CDC42BPA: variants seen among roughly 807,000 people sequenced by gnomAD.
CDC42BPA encodes CDC42 binding protein kinase alpha.
A neutral mutation model predicts 223.5 loss-of-function variants in CDC42BPA; 80 were observed. The ratio of observed to expected loss-of-function variants is 0.36; its 90% confidence interval spans 0.30 to 0.43. CDC42BPA has a LOEUF of 0.43. Ranked by LOEUF, CDC42BPA falls within the 20% of genes least tolerant of loss-of-function variation. The pLI is 1.00. For missense variants in CDC42BPA, 1,743 were observed against 2,099.9 expected, an observed-to-expected ratio of 0.83 and a Z score of 3.32; for synonymous variants, 694 against 718.6, an observed-to-expected ratio of 0.97 and a Z score of 0.55.
At chr1:227,041,140 C>CA (rs61216705) in intron 23 of CDC42BPA, among the ~76,000 whole-genome samples, 23,341 of 150,696 alleles carry the variant, frequency 0.15, 2,166 homozygotes, top group African/African-American at 0.25. Context: ...ACTAAGTACT[C>CA]AAAAAAAAAT....
At chr1:227,067,611 A>G (rs919167168) in intron 21 of CDC42BPA, among the ~76,000 whole-genome samples, 2 of 152,176 alleles carry the variant, frequency 1.3e-5, no homozygotes, top group Admixed American at 1.3e-4. Flanking sequence ...AGTTAACCAG[A>G]GTAATTATTT....
chr1:227,113,317 C>T lies in CDC42BPA; in HGVS notation c.1648-404G>A, dbSNP rs565777158. Among the ~76,000 whole-genome samples, 49 of 152,324 alleles carry T rather than the reference C, an allele frequency of 3.2e-4. No individual in the cohort carries two copies. The South Asian group carries it at 8.3e-3, about 26-fold the overall frequency. On this transcript the variant is annotated intron_variant, in intron 12 of 36. Coordinates refer to ENST00000366766, the MANE Select transcript of CDC42BPA (RefSeq NM_001394014.1). ...AGAAGCAAGGAGATAGAAACTAAAC[C>T]GGAGACTCCCTAATTAAAATGAGAA... is the stretch of plus-strand genomic sequence containing the variant.
chr1:227,061,060 T>C (rs1675828497), intron 21 of CDC42BPA, among the ~76,000 whole-genome samples: 1 of 152,150 alleles, frequency 6.6e-6, no homozygotes, highest in Admixed American at 6.5e-5. Context: ...GAATGGAAGA[T>C]AACTTGAACA....
At chr1:227,116,604 T>C (rs1687813465) in intron 12 of CDC42BPA, among the ~76,000 whole-genome samples, 1 of 152,188 alleles carries the variant, frequency 6.6e-6, no homozygotes, top group South Asian at 2.1e-4. Flanking sequence ...TGTATGAAAT[T>C]TTATGGAAGA....
intron 1 of CDC42BPA, among the ~76,000 whole-genome samples, chr1:227,265,404 TA>T (rs562078839): frequency 1.3e-5 from 2 of 151,786 alleles, no homozygotes; most frequent in South Asian, 2.1e-4. Context: ...ACGTGGGGCA[TA>T]AAAAAAAGTT....
intron 14 of CDC42BPA, among the ~76,000 whole-genome samples, chr1:227,105,137 T>C (rs1685682704): frequency 6.6e-6 from 1 of 152,094 alleles, no homozygotes; most frequent in African/African-American, 2.4e-5. Context: ...TAAAACAACA[T>C]ACAACAAAAT....
intron 5 of CDC42BPA, among the ~76,000 whole-genome samples, chr1:227,180,794 T>G (rs559791450): frequency 6.6e-6 from 1 of 152,370 alleles, no homozygotes; most frequent in East Asian, 1.9e-4. Flanking sequence ...TAGTTTTTCT[T>G]TCTTGTTCTA....
intron 6 of CDC42BPA, among the ~76,000 whole-genome samples, chr1:227,155,893 T>A (rs949164260): frequency 1.3e-5 from 2 of 152,128 alleles, no homozygotes; most frequent in Admixed American, 1.3e-4. Flanking sequence ...GCAAAAGACC[T>A]GAATCCTCAT....
chr1:227,233,809 T>A (rs529687015), intron 2 of CDC42BPA, among the ~76,000 whole-genome samples: 2 of 152,232 alleles, frequency 1.3e-5, no homozygotes, highest in South Asian at 4.1e-4. Context: ...GGCGGACCCC[T>A]GTAATCCCAG....
chr1:227,198,562 T>C (rs1184192521), intron 4 of CDC42BPA, among the ~76,000 whole-genome samples: 1 of 151,964 alleles, frequency 6.6e-6, no homozygotes. Context: ...TTATACTCTA[T>C]AAGCATGTAA....
intron 1 of CDC42BPA, among the ~76,000 whole-genome samples, chr1:227,266,555 A>G (rs1007994839): frequency 4.6e-5 from 7 of 152,242 alleles, no homozygotes; most frequent in African/African-American, 1.4e-4. Flanking sequence ...AATATTAAGC[A>G]TGAAGTCAAA....
chr1:227,137,018 T>C (rs1045348779), intron 10 of CDC42BPA, among the ~76,000 whole-genome samples: 2 of 151,808 alleles, frequency 1.3e-5, no homozygotes, highest in African/African-American at 4.8e-5. Context: ...AATTAATGAG[T>C]AAAGAAAACA....
chr1:227,288,849 C>A (rs1689227723), intron 1 of CDC42BPA, among the ~76,000 whole-genome samples: 1 of 151,086 alleles, frequency 6.6e-6, no homozygotes, highest in African/African-American at 2.4e-5. Context: ...ACAAAATTGG[C>A]CAGGTGTGGT....
At chr1:227,182,645 C>G (rs760759179) in intron 5 of CDC42BPA, among the ~76,000 whole-genome samples, 3 of 152,010 alleles carry the variant, frequency 2.0e-5, no homozygotes, top group Non-Finnish European at 2.9e-5. Flanking sequence ...CAGTTTTCAC[C>G]CTCTGATAAT....
Position 227,101,004 on chromosome 1 carries a change from G to GT in CDC42BPA, c.2236dup (p.Thr746AsnfsTer8). 1 of 1,504,606 alleles carries GT rather than the reference G, an allele frequency of 6.6e-7. No individual in the cohort carries two copies. Among genetic ancestry groups the GT allele is most frequent in the Non-Finnish European group, 9.2e-7 (1 of 1,088,378 alleles). 93.2% of individuals were successfully genotyped at this position (1,504,606 alleles called of 1,614,324 possible). A position where few individuals can be genotyped will look rare whatever the true frequency, so the allele number is the denominator to read the frequency against. On this transcript the variant is annotated frameshift_variant, in exon 15 of 37. Transcript: ENST00000366766. LOFTEE classifies it high-confidence loss of function. ...ATGTGATTCTTACCTTTCTCTTCTG[G>GT]TTTTTTCCAATTTGTCTTTTAAAAT...
rs187079740 is a variant in CDC42BPA, at chr1:226,997,692, C to G, written c.4976-2712G>C. 6.0e-3 allele frequency among the ~76,000 whole-genome samples: 914 copies of G among 152,190 alleles called. 10 individuals carry two copies. The highest frequency in any genetic ancestry group is 0.021 in the African/African-American group (860 of 41,522). On this transcript the variant is annotated intron_variant, in intron 35 of 36. Transcript: ENST00000366766. ...TCTTAAAGAACTTATTTATTTCTGC[C>G]TTCATTTCGTTATTTACCCAGTAGT...
At chr1:227,261,937 C>T (rs1309818473) in intron 1 of CDC42BPA, among the ~76,000 whole-genome samples, 1 of 151,984 alleles carries the variant, frequency 6.6e-6, no homozygotes, top group Non-Finnish European at 1.5e-5. Context: ...AAATCCTCTG[C>T]CAAGAAATTA....
intron 5 of CDC42BPA, among the ~76,000 whole-genome samples, chr1:227,190,847 G>A (rs1333496715): frequency 6.6e-6 from 1 of 152,146 alleles, no homozygotes; most frequent in East Asian, 1.9e-4. Flanking sequence ...AAGGAGGGAG[G>A]GAGAAGAGGT....
intron 5 of CDC42BPA, among the ~76,000 whole-genome samples, chr1:227,181,703 C>A (rs1171270083): frequency 2.6e-5 from 4 of 152,072 alleles, no homozygotes; most frequent in African/African-American, 4.8e-5. Context: ...AAGAAAATAG[C>A]TAGAATATCA....
Sources: gnomAD v4.1 joint callset for allele counts (sites outside exome capture counted in the v4.1 genomes callset) on GRCh38, gnomAD v4.1.1 for gene constraint, MANE v1.5 for transcripts, NCBI Gene and HGNC (gene_info 2026-07-23, HGNC 2026-07-21) for gene names.